The following SGCZ variants were observed in gnomAD, a reference collection of about 807,000 sequenced individuals.
The protein encoded by SGCZ is sarcoglycan zeta.
SGCZ carries 40 observed loss-of-function variants against 41.3 expected under a neutral mutation model. The ratio of observed to expected loss-of-function variants is 0.97; its 90% CI spans 0.75 to 1.26. SGCZ has a LOEUF of 1.26. SGCZ is among the 50% of genes most tolerant of loss of function. SGCZ has a pLI of 0.00. For synonymous variants in SGCZ, 206 were observed against 137.5 expected (o/e 1.50, Z -3.49); for missense variants, 552 against 369.8 (o/e 1.49, Z -4.04).
intron 1 of SGCZ, among the ~76,000 whole-genome samples, chr8:15,047,311 T>C (rs1804344768): frequency 6.6e-6 from 1 of 152,084 alleles, no homozygotes; most frequent in South Asian, 2.1e-4. Flanking sequence ...AGACTTTGAA[T>C]GTTTTCATTT....
chr8:14,775,316 T>A (rs2256560), intron 1 of SGCZ, among the ~76,000 whole-genome samples: 2 of 152,124 alleles, frequency 1.3e-5, no homozygotes, highest in Middle Eastern at 6.8e-3. Context: ...AATAGTAATA[T>A]TGAGCAACTG....
chr8:15,069,670 C>A (rs1389505176), intron 1 of SGCZ, among the ~76,000 whole-genome samples: 1 of 152,184 alleles, frequency 6.6e-6, no homozygotes, highest in African/African-American at 2.4e-5. Context: ...TGACTTTATT[C>A]CAAACTTACA....
chr8:14,425,353 G>A (rs546712902), intron 2 of SGCZ, among the ~76,000 whole-genome samples: 2 of 152,208 alleles, frequency 1.3e-5, no homozygotes, highest in South Asian at 2.1e-4. Context: ...GGTCGTGATG[G>A]CTCACACCTG....
Position 15,135,046 on chromosome 8 carries a change from C to T in SGCZ, c.39+102539G>A, listed in dbSNP as rs115101312. 4.4e-3 allele frequency among the ~76,000 whole-genome samples: 666 copies of T among 152,290 alleles called. 7 individuals are homozygous for T. Among genetic ancestry groups the T allele is most frequent in the African/African-American group, 0.015 (634 of 41,558 alleles). ...TTTGAGTGATTTGAGTTCATTTAGG[C>T]ATCTTCATATCTGAAATGCTGTCCT... On this transcript the variant is annotated intron_variant, in intron 1 of 7. Transcript: ENST00000382080.
chr8:14,210,067 T>C (rs1254747307), intron 4 of SGCZ, among the ~76,000 whole-genome samples: 2 of 152,176 alleles, frequency 1.3e-5, no homozygotes, highest in East Asian at 1.9e-4. Context: ...TGTTTGTTTC[T>C]CTTTCTTTGA....
chr8:14,370,116 T>G (rs1361084792), intron 2 of SGCZ, among the ~76,000 whole-genome samples: 1 of 151,910 alleles, frequency 6.6e-6, no homozygotes, highest in African/African-American at 2.4e-5. Context: ...GGGTAAGATG[T>G]AGGGGAGGAT....
chr8:14,541,577 T>G (rs1803470056), intron 2 of SGCZ, among the ~76,000 whole-genome samples: 1 of 152,148 alleles, frequency 6.6e-6, no homozygotes, highest in African/African-American at 2.4e-5. Flanking sequence ...AAGTCAATGC[T>G]ATTGTAATAA....
intron 1 of SGCZ, among the ~76,000 whole-genome samples, chr8:14,647,070 G>A (rs1200274088): frequency 6.6e-6 from 1 of 151,956 alleles, no homozygotes; most frequent in African/African-American, 2.4e-5. Context: ...GAAAGGGGAA[G>A]CCCATTTTGT....
intron 1 of SGCZ, among the ~76,000 whole-genome samples, chr8:14,601,995 C>T (rs530081413): frequency 1.3e-5 from 2 of 152,172 alleles, no homozygotes; most frequent in East Asian, 1.9e-4. Flanking sequence ...TGGCGGGCGC[C>T]TGTAGTCCCA....
chr8:15,071,884 T>G (rs1249545577), intron 1 of SGCZ, among the ~76,000 whole-genome samples: 2 of 152,148 alleles, frequency 1.3e-5, no homozygotes, highest in East Asian at 1.9e-4. Context: ...CCATCTCATC[T>G]GGGCCTCCCA....
intron 1 of SGCZ, among the ~76,000 whole-genome samples, chr8:14,559,108 T>C (rs1376530703): frequency 6.6e-6 from 1 of 152,022 alleles, no homozygotes; most frequent in Non-Finnish European, 1.5e-5. Flanking sequence ...CTCTTCAACA[T>C]AGTACTAGAA....
intron 5 of SGCZ, among the ~76,000 whole-genome samples, chr8:14,121,213 T>C (rs939980522): frequency 3.9e-4 from 59 of 152,024 alleles, no homozygotes; most frequent in African/African-American, 1.3e-3. Context: ...AACATTCAAT[T>C]AAATTACATT....
chr8:14,783,729 ATCT>A (rs1800662439), intron 1 of SGCZ, among the ~76,000 whole-genome samples: 1 of 152,064 alleles, frequency 6.6e-6, no homozygotes, highest in African/African-American at 2.4e-5. Flanking sequence ...TTGTTTTTCT[ATCT>A]GGGATAATAA....
chr8:15,186,745 A>C (rs1800358877), intron 1 of SGCZ, among the ~76,000 whole-genome samples: 2 of 152,360 alleles, frequency 1.3e-5, no homozygotes, highest in African/African-American at 4.8e-5. Context: ...GATTTCAATC[A>C]GAAATAACAA....
At chr8:14,803,679 C>A (rs1035991701) in intron 1 of SGCZ, among the ~76,000 whole-genome samples, 42 of 151,176 alleles carry the variant, frequency 2.8e-4, no homozygotes, top group Admixed American at 4.6e-4. Context: ...CCCAGGCTTG[C>A]TTAGGTAAAC....
chr8:14,420,429 G>A (rs1027166879), intron 2 of SGCZ, among the ~76,000 whole-genome samples: 1 of 152,036 alleles, frequency 6.6e-6, no homozygotes, highest in Non-Finnish European at 1.5e-5. Flanking sequence ...TGTTGTGGAT[G>A]TTTATTCAGT....
At chr8:14,250,472 G>C (rs981144830) in intron 3 of SGCZ, among the ~76,000 whole-genome samples, 1 of 152,056 alleles carries the variant, frequency 6.6e-6, no homozygotes, top group Non-Finnish European at 1.5e-5. Context: ...ATAATCAGCA[G>C]AATGTGGGCA....
At chr8:15,082,090 A>T (rs9325742) in intron 1 of SGCZ, among the ~76,000 whole-genome samples, 6 of 152,006 alleles carry the variant, frequency 3.9e-5, no homozygotes, top group Non-Finnish European at 8.8e-5. Flanking sequence ...TTAGCTGGGC[A>T]TGATCGCGGC....
chr8:14,298,387 T>A (rs186969125), intron 3 of SGCZ, among the ~76,000 whole-genome samples: 2 of 151,986 alleles, frequency 1.3e-5, no homozygotes, highest in African/African-American at 4.8e-5. Flanking sequence ...TACATAATAC[T>A]AAGATTGAAA....
Sources: gnomAD v4.1 joint callset for allele counts (sites outside exome capture counted in the v4.1 genomes callset) on GRCh38, gnomAD v4.1.1 for gene constraint, MANE v1.5 for transcripts, NCBI Gene and HGNC (gene_info 2026-07-23, HGNC 2026-07-21) for gene names.